Variants in DDR2 observed in about 807,000 individuals in gnomAD.
DDR2 encodes the protein discoidin domain-containing receptor 2.
In DDR2, 27 loss-of-function variants were observed where a neutral mutation model predicts 94.9. The observed-to-expected ratio is 0.28, with a 90% CI of 0.21 to 0.39. The LOEUF is 0.39. Ranked by LOEUF, DDR2 falls within the 10% of genes least tolerant of loss-of-function variation. DDR2 has a pLI of 1.00. For missense variants in DDR2, 783 were observed against 1,076.0 expected, an observed-to-expected ratio of 0.73 and a Z score of 3.81; for synonymous variants, 382 against 377.2, an observed-to-expected ratio of 1.01 and a Z score of -0.15.
At chr1:162,715,485 A>T (rs1661123814) in intron 2 of DDR2, among the ~76,000 whole-genome samples, 1 of 152,186 alleles carries the variant, frequency 6.6e-6, no homozygotes, top group Admixed American at 6.5e-5. Context: ...AAGAAAAAGA[A>T]AAGAAGCTCC....
intron 2 of DDR2, among the ~76,000 whole-genome samples, chr1:162,699,405 T>C (rs1454690645): frequency 6.6e-6 from 1 of 152,218 alleles, no homozygotes; most frequent in African/African-American, 2.4e-5. Context: ...ATCACCTGTT[T>C]AAGGAATAGC....
rs2102132721 is a variant in DDR2 at position 162,754,668 on chromosome 1, C to T, written c.230C>T (p.Pro77Leu). ...GATGGAGCCTGGTGCCCTGAGATTC[C>T]AGTGGAACCTGATGACCTGAAGGAG... ...EGDGAWCPEIPVEPDDLKEFL... is the reference protein window; with the variant it reads ...EGDGAWCPEILVEPDDLKEFL... Residue 77 changes from proline (P) to leucine (L), a missense_variant, in exon 5 of 18, where the codon CCA becomes CTA. By Grantham distance (98) the Pro-to-Leu change is moderately conservative. Transcript: ENST00000367921. The T allele has an allele frequency of 1.2e-6, 2 of 1,614,128 alleles. No homozygotes were observed. Among genetic ancestry groups the T allele is most frequent in the Non-Finnish European group, 1.7e-6 (2 of 1,180,020 alleles).
At chr1:162,638,988 C>T (rs528155624) in intron 1 of DDR2, among the ~76,000 whole-genome samples, 10 of 151,340 alleles carry the variant, frequency 6.6e-5, no homozygotes, top group Admixed American at 2.6e-4. Context: ...ATCTTTGAGA[C>T]GGAGTCTTGC....
intron 3 of DDR2, among the ~76,000 whole-genome samples, chr1:162,748,160 T>C (rs1440809610): frequency 5.3e-5 from 8 of 152,186 alleles, no homozygotes; most frequent in African/African-American, 1.9e-4. Flanking sequence ...ATATTAACCT[T>C]AAATGTAAAT....
At chr1:162,670,864 T>G (rs548950754) in intron 2 of DDR2, among the ~76,000 whole-genome samples, 3 of 152,320 alleles carry the variant, frequency 2.0e-5, no homozygotes, top group East Asian at 3.9e-4. Context: ...GCCAGAACAC[T>G]AATTTCAGTG....
intron 12 of DDR2, among the ~76,000 whole-genome samples, chr1:162,771,156 A>C (rs185967560): frequency 6.6e-6 from 1 of 152,364 alleles, no homozygotes; most frequent in Admixed American, 6.5e-5. Context: ...CAGTTGATTC[A>C]AATTTCGATG....
intron 2 of DDR2, among the ~76,000 whole-genome samples, chr1:162,661,021 C>G (rs1052942184): frequency 6.6e-6 from 1 of 152,174 alleles, no homozygotes; most frequent in Non-Finnish European, 1.5e-5. Flanking sequence ...CTCTCTTGCC[C>G]CAGTGGCAAA....
chr1:162,712,871 A>G (rs187031876), intron 2 of DDR2, among the ~76,000 whole-genome samples: 2 of 152,310 alleles, frequency 1.3e-5, no homozygotes, highest in Non-Finnish European at 1.5e-5. Context: ...GTCAAAATTA[A>G]TCTCATTTCG....
At chr1:162,686,226 T>C (rs1659684117) in intron 2 of DDR2, among the ~76,000 whole-genome samples, 1 of 152,076 alleles carries the variant, frequency 6.6e-6, no homozygotes, top group Non-Finnish European at 1.5e-5. Flanking sequence ...TTATTTTAAG[T>C]TCTGGGATAC....
intron 1 of DDR2, among the ~76,000 whole-genome samples, chr1:162,651,546 G>C (rs6427691): frequency 0.3 from 45,594 of 151,934 alleles, 7,225 homozygotes; most frequent in African/African-American, 0.37. Context: ...TACCAACCCA[G>C]ACATATATAT....
intron 9 of DDR2, 31 bp downstream of exon 9, chr1:162,761,485 G>A (rs2102156512): frequency 6.2e-7 from 1 of 1,614,032 alleles, no homozygotes; most frequent in Non-Finnish European, 8.5e-7. Context: ...TTGGGAAGTG[G>A]GAGCAAGGTG....
rs1300414529 is a variant in DDR2, at chr1:162,783,855, G to T, written c.*3609G>T. ...ATATTCTGGACCATTTCAAGTGCTG[G>T]TGAGAAGAAAGGAACTCTTTGCCTG... On this transcript the variant is annotated 3_prime_UTR_variant, in exon 18 of 18. Transcript: ENST00000367921. 1 of 152,170 alleles carries T rather than the reference G, an allele frequency of 6.6e-6. No homozygotes were observed. The highest frequency in any genetic ancestry group is 2.4e-5 in the African/African-American group (1 of 41,442). The allele number at this position is 152,170 out of a possible 1,614,324, so 9.4% of individuals were successfully genotyped here. A position where few individuals can be genotyped will look rare whatever the true frequency, so the allele number is the denominator to read the frequency against.
chr1:162,728,203 T>G (rs945192889), intron 3 of DDR2, among the ~76,000 whole-genome samples: 6 of 145,108 alleles, frequency 4.1e-5, no homozygotes, highest in South Asian at 2.1e-4. Flanking sequence ...TAGATAGATA[T>G]ATCTTTATAT....
intron 2 of DDR2, among the ~76,000 whole-genome samples, chr1:162,663,681 G>T (rs1263553212): frequency 6.6e-6 from 1 of 152,082 alleles, no homozygotes; most frequent in Admixed American, 6.6e-5. Context: ...AAGCAGAATG[G>T]AGTGGAGGGG....
rs1647819392 is a variant in DDR2 at position 162,780,194 on chromosome 1, G to A, written c.2516G>A (p.Arg839His). The A allele has an allele frequency of 6.2e-7, 1 of 1,613,882 alleles. No homozygotes were observed. The highest frequency in any genetic ancestry group is 8.5e-7 in the Non-Finnish European group (1 of 1,179,926). ...TGCTGGAGAAGAGATACGAAGAACC[G>A]TCCCTCATTCCAAGAAATCCACCTT... The part of the protein sequence containing the change: ...LSCWRRDTKN[R>H]PSFQEIHLLL... Residue 839 changes from arginine (R) to histidine (H), a missense_variant, in exon 18 of 18, where the codon CGT becomes CAT. Arg to His is a conservative substitution (Grantham distance 29). Transcript: ENST00000367921.
At chr1:162,672,572 A>G (rs1449653557) in intron 2 of DDR2, among the ~76,000 whole-genome samples, 1 of 152,198 alleles carries the variant, frequency 6.6e-6, no homozygotes, top group African/African-American at 2.4e-5. Context: ...CTAAGTATAT[A>G]TATGTATACA....
At chr1:162,735,563 T>A (rs1215940655) in intron 3 of DDR2, among the ~76,000 whole-genome samples, 2 of 152,190 alleles carry the variant, frequency 1.3e-5, no homozygotes, top group Admixed American at 1.3e-4. Flanking sequence ...ATTTTGAGGA[T>A]CACAGCTCTA....
intron 3 of DDR2, among the ~76,000 whole-genome samples, chr1:162,728,182 TTATA>T (rs1225048763): frequency 7.4e-4 from 105 of 141,226 alleles, no homozygotes; most frequent in African/African-American, 2.6e-3. Flanking sequence ...AGATATCTCT[TTATA>T]TATATATAGA....
chr1:162,729,175 C>T (rs931469786), intron 3 of DDR2, among the ~76,000 whole-genome samples: 1 of 150,288 alleles, frequency 6.7e-6, no homozygotes, highest in African/African-American at 2.4e-5. Context: ...TCCCCAAGAC[C>T]GACTCAAGTT....
Sources: gnomAD v4.1 joint callset for allele counts (sites outside exome capture counted in the v4.1 genomes callset) on GRCh38, gnomAD v4.1.1 for gene constraint, MANE v1.5 for transcripts, NCBI Gene and HGNC (gene_info 2026-07-23, HGNC 2026-07-21) for gene names.